The following ZNF569 variants were observed in gnomAD, a reference collection of about 807,000 sequenced individuals.
The protein encoded by ZNF569 is DNA-binding protein.
A neutral mutation model predicts 56.3 loss-of-function variants in ZNF569; 38 were observed. That is an observed-to-expected ratio of 0.68 (90% CI 0.52 to 0.88). The LOEUF (loss-of-function observed/expected upper bound fraction) is 0.88, where lower values mean the gene tolerates loss of function less well. Ranked by LOEUF, ZNF569 falls within the 40% of genes least tolerant of loss-of-function variation. ZNF569 has a pLI of 0.00. For synonymous variants in ZNF569, 241 were observed against 262.9 expected, an observed-to-expected ratio of 0.92 and a Z score of 0.81; for missense variants, 666 against 809.2, an observed-to-expected ratio of 0.82 and a Z score of 2.15.
chr19:37,425,010 T>TC (rs2041102457), intron 5 of ZNF569, among the ~76,000 whole-genome samples: 1 of 150,896 alleles, frequency 6.6e-6, no homozygotes, highest in Non-Finnish European at 1.5e-5. Context: ...GTCCCAGCTA[T>TC]CAGGAGGCTG....
chr19:37,467,000 T>C (rs1431948689), intron 1 of ZNF569, 84 bp downstream of exon 1: 1 of 152,588 alleles, frequency 6.6e-6, no homozygotes, highest in African/African-American at 2.4e-5. Flanking sequence ...CCTCCAAAGA[T>C]TGGGGCACCA....
At chr19:37,465,192 C>A (rs2041811468) in intron 2 of ZNF569, 121 bp downstream of exon 2, 1 of 152,252 alleles carries the variant, frequency 6.6e-6, no homozygotes, top group East Asian at 1.9e-4. Flanking sequence ...TTTCAGGATG[C>A]CTTCCCTGGC....
intron 3 of ZNF569, 21 bp downstream of exon 3, chr19:37,444,886 A>C: frequency 6.3e-7 from 1 of 1,597,856 alleles, no homozygotes; most frequent in Non-Finnish European, 8.5e-7. Flanking sequence ...GCAAGAAACA[A>C]ATACACTATT....
chr19:37,437,629 A>C (rs1273134692), intron 3 of ZNF569, among the ~76,000 whole-genome samples: 2 of 152,268 alleles, frequency 1.3e-5, no homozygotes, highest in Non-Finnish European at 2.9e-5. Flanking sequence ...AAATTCAGTA[A>C]AGTTGCAGGA....
intron 2 of ZNF569, among the ~76,000 whole-genome samples, chr19:37,460,031 GGAGAA>G (rs2041732213): frequency 6.6e-6 from 1 of 152,052 alleles, no homozygotes; most frequent in Admixed American, 6.5e-5. Flanking sequence ...ACAAAGGAGG[GGAGAA>G]GAGAAGAAAC....
At chr19:37,468,035 C>A, upstream of ZNF569, 1 of 1,055,518 alleles carries the variant, frequency 9.5e-7, no homozygotes, top group Non-Finnish European at 1.4e-6. Flanking sequence ...GCTGTGTCAT[C>A]TCAGACTAGG....
chr19:37,456,730 A>C (rs2041675721), intron 2 of ZNF569, among the ~76,000 whole-genome samples: 1 of 152,132 alleles, frequency 6.6e-6, no homozygotes, highest in African/African-American at 2.4e-5. Context: ...GCACTTTGGG[A>C]GGCTGAGGTG....
upstream of ZNF569, among the ~76,000 whole-genome samples, chr19:37,468,519 G>A (rs1360137581): frequency 1.3e-5 from 2 of 151,042 alleles, no homozygotes; most frequent in East Asian, 2.0e-4. Flanking sequence ...TTTTTAAGAC[G>A]GAGTCTTGCT....
chr19:37,415,960 C>A lies in ZNF569; in HGVS notation c.239-1541G>T, dbSNP rs186343311. On this transcript the variant is annotated intron_variant, in intron 5 of 5. Coordinates refer to ENST00000316950, the MANE Select transcript of ZNF569 (RefSeq NM_152484.3). Reference sequence around the variant, plus strand: ...TTTTCTTAATTAAAAGGCGTGAGTGCAGTGGCTCACGCCTGTAATCCTAGC... The same window carrying A: ...TTTTCTTAATTAAAAGGCGTGAGTGAAGTGGCTCACGCCTGTAATCCTAGC... 4.0e-5 allele frequency among the ~76,000 whole-genome samples: 6 copies of A among 151,418 alleles called. No homozygotes were observed. In the East Asian group the frequency reaches 1.2e-3, roughly 29 times the overall value.
chr19:37,463,737 T>C (rs1220784518), intron 2 of ZNF569, among the ~76,000 whole-genome samples: 1 of 118,620 alleles, frequency 8.4e-6, no homozygotes, highest in Non-Finnish European at 1.7e-5. Flanking sequence ...TGCATGTTTA[T>C]TGCCCCTGAA....
chr19:37,460,907 T>A (rs1338933714), intron 2 of ZNF569, among the ~76,000 whole-genome samples: 1 of 151,906 alleles, frequency 6.6e-6, no homozygotes, highest in African/African-American at 2.4e-5. Flanking sequence ...AAGCAAACAC[T>A]TAACAAAAAA....
At chr19:37,422,480 T>C (rs1006176105) in intron 5 of ZNF569, among the ~76,000 whole-genome samples, 4 of 152,136 alleles carry the variant, frequency 2.6e-5, no homozygotes, top group South Asian at 4.1e-4. Flanking sequence ...ATGAAAAGGT[T>C]TGAAATATTG....
chr19:37,444,699 AT>A (rs2146939745), intron 3 of ZNF569, among the ~76,000 whole-genome samples: 1 of 152,316 alleles, frequency 6.6e-6, no homozygotes, highest in East Asian at 1.9e-4. Context: ...GGAAATTTAA[AT>A]TTGAAGCCCA....
intron 3 of ZNF569, among the ~76,000 whole-genome samples, chr19:37,441,990 A>G (rs1331418979): frequency 6.6e-6 from 1 of 152,204 alleles, no homozygotes; most frequent in Non-Finnish European, 1.5e-5. Flanking sequence ...CAAGAGAACA[A>G]TTTGCTGATT....
intron 3 of ZNF569, chr19:37,427,908 G>C (rs990353757): frequency 3.9e-5 from 17 of 431,424 alleles, no homozygotes; most frequent in Non-Finnish European, 4.7e-5. Context: ...CAATTACAGG[G>C]AAGAACATGA....
chr19:37,444,148 C>T (rs1014255848), intron 3 of ZNF569, among the ~76,000 whole-genome samples: 10 of 152,240 alleles, frequency 6.6e-5, no homozygotes, highest in African/African-American at 2.4e-4. Flanking sequence ...TGGGTACCTA[C>T]CAGTAAGTCA....
At chr19:37,427,409 T>C (rs766322778) in intron 3 of ZNF569, among the ~76,000 whole-genome samples, 3 of 152,136 alleles carry the variant, frequency 2.0e-5, no homozygotes, top group Non-Finnish European at 4.4e-5. Flanking sequence ...GCACTCTTCC[T>C]AGTTCAAAAC....
chr19:37,444,633 G>C (rs1379367890), intron 3 of ZNF569, among the ~76,000 whole-genome samples: 1 of 151,944 alleles, frequency 6.6e-6, no homozygotes, highest in East Asian at 1.9e-4. Flanking sequence ...ATTTTTTATT[G>C]TTACAATGAA....
intron 5 of ZNF569, among the ~76,000 whole-genome samples, chr19:37,423,660 T>C (rs553416939): frequency 6.0e-4 from 92 of 152,284 alleles, no homozygotes; most frequent in African/African-American, 2.2e-3. Context: ...ATATGACAGA[T>C]GATGTGCCAA....
Sources: allele counts gnomAD v4.1 joint callset (sites outside exome capture counted in the v4.1 genomes callset), GRCh38; gene constraint gnomAD v4.1.1; transcripts MANE v1.5; gene names NCBI Gene and HGNC (gene_info 2026-07-23, HGNC 2026-07-21).